Variants in PCDHA4 observed in about 807,000 individuals in gnomAD.
PCDHA4 encodes protocadherin alpha 4.
PCDHA4 carries 49 observed loss-of-function variants against 61.4 expected under a neutral mutation model. The ratio of observed to expected loss-of-function variants is 0.80; its 90% CI spans 0.63 to 1.01. The LOEUF (loss-of-function observed/expected upper bound fraction) is 1.01, where lower values mean the gene tolerates loss of function less well. PCDHA4 is among the 50% of genes least tolerant of loss of function. The pLI, the probability that PCDHA4 is intolerant of heterozygous loss-of-function variation, is 0.00. For synonymous variants in PCDHA4, 590 were observed against 550.3 expected (o/e 1.07, Z -1.01); for missense variants, 1,254 against 1,235.8 (o/e 1.01, Z -0.22).
chr5:140,966,958 G>C (rs561982676), intron 1 of PCDHA4: 1 of 1,602,498 alleles, frequency 6.2e-7, no homozygotes, highest in South Asian at 1.1e-5. Context: ...TGGCTCGCGC[G>C]CTGGGGCTTG....
chr5:140,925,371 A>G (rs1266840293), intron 1 of PCDHA4, among the ~76,000 whole-genome samples: 2 of 152,136 alleles, frequency 1.3e-5, no homozygotes, highest in Non-Finnish European at 2.9e-5. Context: ...CATAGTCAAT[A>G]GTCAATGAGT....
At chr5:140,809,781 T>A in intron 1 of PCDHA4, 1 of 503,024 alleles carries the variant, frequency 2.0e-6, no homozygotes, top group South Asian at 3.5e-5. Context: ...TCAATGCATA[T>A]TAACAGAACT....
chr5:140,936,326 A>G (rs2090913771), intron 1 of PCDHA4, among the ~76,000 whole-genome samples: 1 of 152,138 alleles, frequency 6.6e-6, no homozygotes, highest in South Asian at 2.1e-4. Flanking sequence ...CATGCTATAA[A>G]TTTTCTCTAT....
intron 1 of PCDHA4, among the ~76,000 whole-genome samples, chr5:140,895,655 A>G (rs2065093360): frequency 6.6e-6 from 1 of 152,154 alleles, no homozygotes. Context: ...TCCCACTTAT[A>G]AGTGAGAACA....
chr5:140,845,803 T>C (rs1319133517), intron 1 of PCDHA4, among the ~76,000 whole-genome samples: 3 of 149,694 alleles, frequency 2.0e-5, no homozygotes, highest in Non-Finnish European at 4.5e-5. Flanking sequence ...TGGCAAGTGA[T>C]AGGTACATAA....
intron 1 of PCDHA4, chr5:140,848,940 G>C: frequency 6.2e-7 from 1 of 1,607,456 alleles, no homozygotes; most frequent in Non-Finnish European, 8.5e-7. Context: ...CAGGCCGCTT[G>C]ACTCTCGGTT....
At chr5:140,963,424 G>A (rs898407658) in intron 1 of PCDHA4, among the ~76,000 whole-genome samples, 7 of 152,194 alleles carry the variant, frequency 4.6e-5, no homozygotes, top group Non-Finnish European at 1.0e-4. Flanking sequence ...GCATGTTTAG[G>A]AACTAACTTC....
At chr5:140,836,210 TG>T (rs1340323722) in intron 1 of PCDHA4, 1 of 1,613,654 alleles carries the variant, frequency 6.2e-7, no homozygotes, top group Admixed American at 1.7e-5. Context: ...GGCTTTCGTA[TG>T]AGTTGCAACC....
intron 1 of PCDHA4, among the ~76,000 whole-genome samples, chr5:140,937,911 CAAAA>C (rs200797202): frequency 8.5e-6 from 1 of 117,894 alleles, no homozygotes; most frequent in Non-Finnish European, 1.9e-5. Context: ...GACTCCGTCT[CAAAA>C]AAAAAAAAAA....
intron 1 of PCDHA4, among the ~76,000 whole-genome samples, chr5:140,917,405 T>C (rs2153543748): frequency 6.6e-6 from 1 of 152,162 alleles, no homozygotes; most frequent in South Asian, 2.1e-4. Flanking sequence ...AGCTCTTTAG[T>C]TTAATTAGGC....
At chr5:140,884,530 G>A in intron 1 of PCDHA4, 1 of 1,614,062 alleles carries the variant, frequency 6.2e-7, no homozygotes, top group South Asian at 1.1e-5. Context: ...CGCAGCAGAG[G>A]CGGCCGAGGG....
rs140107313 is a variant in PCDHA4 at position 140,823,051 on chromosome 5, G to T, written c.2385+13479G>T. On this transcript the variant is annotated intron_variant, in intron 1 of 3. Coordinates refer to ENST00000530339, the MANE Select transcript of PCDHA4 (RefSeq NM_018907.4). Reference sequence around the variant, plus strand: ...GTCGGTCTATGAGCTGGTGGTGACCGCGCGGGACGGGGGCTCGCCTTCGCT... The same window carrying T: ...GTCGGTCTATGAGCTGGTGGTGACCTCGCGGGACGGGGGCTCGCCTTCGCT... 1,088 of 1,614,186 alleles carry T rather than the reference G, an allele frequency of 6.7e-4. 7 individuals are homozygous for T. In the African/African-American group the frequency reaches 0.013, roughly 19 times the overall value.
intron 1 of PCDHA4, chr5:140,875,323 A>G: frequency 2.1e-6 from 3 of 1,427,940 alleles, no homozygotes; most frequent in South Asian, 3.2e-5. Flanking sequence ...CCAATCATTC[A>G]CGGAATAGGA....
At chr5:140,967,785 G>A (rs1554229943) in intron 1 of PCDHA4, 6 of 1,614,176 alleles carry the variant, frequency 3.7e-6, no homozygotes, top group Admixed American at 3.3e-5. Context: ...GCGACTGACC[G>A]GGGTCCAGTG....
At chr5:140,966,645 C>A in intron 1 of PCDHA4, 1 of 1,125,650 alleles carries the variant, frequency 8.9e-7, no homozygotes, top group African/African-American at 1.7e-5. Context: ...CTTTCTAGAG[C>A]GTGAGCGGTG....
chr5:140,856,138 C>T (rs1463600919), intron 1 of PCDHA4: 4 of 1,598,158 alleles, frequency 2.5e-6, no homozygotes, highest in East Asian at 4.5e-5. Flanking sequence ...GCGGCCAGCT[C>T]CACTACTCAG....
At chr5:140,993,569 A>G (rs1311165766) in intron 3 of PCDHA4, among the ~76,000 whole-genome samples, 1 of 151,734 alleles carries the variant, frequency 6.6e-6, no homozygotes, top group East Asian at 1.9e-4. Flanking sequence ...TATCCTTTCT[A>G]GGGATGCTTT....
At chr5:141,004,378 G>A (rs914260481) in intron 3 of PCDHA4, among the ~76,000 whole-genome samples, 3 of 152,198 alleles carry the variant, frequency 2.0e-5, no homozygotes, top group Admixed American at 6.5e-5. Context: ...TCTGCTCTGC[G>A]GAAGCTGGAC....
chr5:140,926,679 C>T (rs1348629347), intron 1 of PCDHA4: 26 of 638,064 alleles, frequency 4.1e-5, no homozygotes, highest in Middle Eastern at 4.4e-4. Context: ...GCCCAGCCTC[C>T]AGCCTAGCAA....
Sources: allele counts gnomAD v4.1 joint callset (sites outside exome capture counted in the v4.1 genomes callset), GRCh38; gene constraint gnomAD v4.1.1; transcripts MANE v1.5; gene names NCBI Gene and HGNC (gene_info 2026-07-23, HGNC 2026-07-21).